NBPF4: variants seen among roughly 807,000 people sequenced by gnomAD.
NBPF4 encodes the protein NBPF member 4, also known as NBPF family member NBPF4.
In NBPF4, 11 loss-of-function variants were observed where a neutral mutation model predicts 21.1. The observed-to-expected ratio is 0.52, with a 90% CI of 0.33 to 0.86. The LOEUF (loss-of-function observed/expected upper bound fraction) is 0.86, where lower values mean the gene tolerates loss of function less well. NBPF4 is among the 40% of genes least tolerant of loss of function. The pLI is 0.03. For missense variants in NBPF4, 88 were observed against 265.3 expected, an observed-to-expected ratio of 0.33 and a Z score of 4.64; for synonymous variants, 47 against 106.4, an observed-to-expected ratio of 0.44 and a Z score of 3.43.
Position 108,244,020 on chromosome 1 carries a change from T to TCG in NBPF4, c.-158_-157insCG. 3 of 524,602 alleles carry TCG rather than the reference T, an allele frequency of 5.7e-6. No individual in the cohort carries two copies. Among genetic ancestry groups the TCG allele is most frequent in the Non-Finnish European group, 8.4e-6 (3 of 358,878 alleles). 32.5% of individuals were successfully genotyped at this position (524,602 alleles called of 1,614,324 possible). On this transcript the variant is annotated 5_prime_UTR_variant, in exon 1 of 15. Coordinates refer to ENST00000415641, the MANE Select transcript of NBPF4 (RefSeq NM_001143989.3). ...CCTGTAGCTCCGACTCTGACAAGAG[T>TCG]GAGGGAGGTAGCAGCCAGCGTACCA...
the NBPF4 span, among the ~76,000 whole-genome samples, chr1:108,266,213 G>C: frequency 6.9e-6 from 1 of 145,542 alleles, no homozygotes. Flanking sequence ...TGAAAAGAGA[G>C]AAAATTCAAA....
chr1:108,256,341 G>C, the NBPF4 span, among the ~76,000 whole-genome samples: 2 of 143,332 alleles, frequency 1.4e-5, no homozygotes, highest in Non-Finnish European at 3.1e-5. Flanking sequence ...TTCTTTGGTT[G>C]AGTTGCTCCT....
At chr1:108,246,179 G>C (rs1649843383), upstream of NBPF4, among the ~76,000 whole-genome samples, 1 of 120,512 alleles carries the variant, frequency 8.3e-6, no homozygotes, top group Admixed American at 9.6e-5. Context: ...TGTAGGTGGA[G>C]GATGGTGTGG....
At chr1:108,233,781 GA>G (rs1649641832) in intron 10 of NBPF4, among the ~76,000 whole-genome samples, 2 of 145,312 alleles carry the variant, frequency 1.4e-5, no homozygotes, top group South Asian at 4.3e-4. Flanking sequence ...CATAGAGAAT[GA>G]GGCTAGGTTC....
At chr1:108,268,868 AAT>A in the NBPF4 span, among the ~76,000 whole-genome samples, 1 of 123,506 alleles carries the variant, frequency 8.1e-6, no homozygotes, top group Admixed American at 9.1e-5. Flanking sequence ...CATTTATACA[AAT>A]ATATAGTTAT....
Position 108,222,797 on chromosome 1 carries a change from A to C in NBPF4, c.*908T>G, listed in dbSNP as rs528068439. ...CTGAAGAAGATCACTAGAATACAGGATATTTATACTATTTCAAACCACTTT... is the reference window on the plus strand; with the variant it reads ...CTGAAGAAGATCACTAGAATACAGGCTATTTATACTATTTCAAACCACTTT... On this transcript the variant is annotated 3_prime_UTR_variant, in exon 15 of 15. Coordinates refer to ENST00000415641, the MANE Select transcript of NBPF4 (RefSeq NM_001143989.3). 2.0e-5 allele frequency among the ~76,000 whole-genome samples: 3 copies of C among 152,300 alleles called. No individual in the cohort carries two copies. The highest frequency in any genetic ancestry group is 7.2e-5 in the African/African-American group (3 of 41,574).
At chr1:108,229,214 C>A (rs1649584690) in intron 12 of NBPF4, 58 bp from the exon 13 acceptor site, 2 of 1,320,214 alleles carry the variant, frequency 1.5e-6, no homozygotes, top group Non-Finnish European at 2.1e-6. Flanking sequence ...GTTAAGTCAT[C>A]CCAGAACACC....
At position 108,222,924 on chromosome 1, in the gene NBPF4, A is replaced by G. The variant is rs1649352379; in HGVS notation, c.*781T>C. Among the ~76,000 whole-genome samples, 1 of 152,150 alleles carries G rather than the reference A, an allele frequency of 6.6e-6. No individual in the cohort carries two copies. On this transcript the variant is annotated 3_prime_UTR_variant, in exon 15 of 15. Coordinates refer to ENST00000415641, the MANE Select transcript of NBPF4 (RefSeq NM_001143989.3). The stretch of plus-strand genomic sequence containing the variant: ...GTATCACCGCACTGGGGATGGACAC[A>G]CTGGGCCTTCTCTGCCTGCAGATGG...
rs552967941 is a variant in NBPF4 at position 108,222,601 on chromosome 1, T to C, written c.*1104A>G. Among the ~76,000 whole-genome samples, 37 of 152,316 alleles carry C rather than the reference T, an allele frequency of 2.4e-4. No homozygotes were observed. Among genetic ancestry groups the C allele is most frequent in the African/African-American group, 6.5e-4 (27 of 41,566 alleles). On this transcript the variant is annotated 3_prime_UTR_variant, in exon 15 of 15. Transcript: ENST00000415641. ...ACAACAGAATGCCAGCAAAAAGAAATTAAAATTAATTTTGGATGAAAGTTA... is the reference window on the plus strand; with the variant it reads ...ACAACAGAATGCCAGCAAAAAGAAACTAAAATTAATTTTGGATGAAAGTTA...
upstream of NBPF4, among the ~76,000 whole-genome samples, chr1:108,245,318 G>A (rs879446604): frequency 0.011 from 1,351 of 117,564 alleles, 9 homozygotes; most frequent in African/African-American, 0.037. Flanking sequence ...AGTGGAAAGC[G>A]CACCTCTCAG....
At chr1:108,268,272 T>C in the NBPF4 span, among the ~76,000 whole-genome samples, 1 of 143,452 alleles carries the variant, frequency 7.0e-6, no homozygotes, top group Non-Finnish European at 1.5e-5. Flanking sequence ...GGTGAATATA[T>C]AAATGTTCAT....
upstream of NBPF4, among the ~76,000 whole-genome samples, chr1:108,246,233 T>C (rs1649845220): frequency 8.0e-6 from 1 of 125,458 alleles, no homozygotes; most frequent in Admixed American, 9.1e-5. Flanking sequence ...TCCAGTCCTC[T>C]TCCTTCACTT....
chr1:108,226,393 A>G (rs1489554117), intron 14 of NBPF4, among the ~76,000 whole-genome samples: 1 of 150,760 alleles, frequency 6.6e-6, no homozygotes, highest in African/African-American at 2.5e-5. Context: ...AGCTTAAACT[A>G]TGTACTTGGA....
chr1:108,256,465 TCTTC>T, the NBPF4 span, among the ~76,000 whole-genome samples: 21 of 133,888 alleles, frequency 1.6e-4, no homozygotes, highest in South Asian at 2.8e-4. Context: ...AATGTGGGTC[TCTTC>T]CTTCCTTCCT....
At chr1:108,268,424 T>G in the NBPF4 span, among the ~76,000 whole-genome samples, 1 of 152,340 alleles carries the variant, frequency 6.6e-6, no homozygotes, top group African/African-American at 2.4e-5. Context: ...ATGTTACTAG[T>G]TTCTGATTAA....
the NBPF4 span, among the ~76,000 whole-genome samples, chr1:108,263,641 GA>G: frequency 2.3e-5 from 2 of 86,962 alleles, no homozygotes; most frequent in Admixed American, 2.4e-4. Context: ...ACGGCAGCCA[GA>G]AAGAAAGGCC....
the NBPF4 span, among the ~76,000 whole-genome samples, chr1:108,268,422 A>C: frequency 1.7e-3 from 257 of 152,304 alleles, 3 homozygotes; most frequent in Admixed American, 4.3e-3. Flanking sequence ...GGATGTTACT[A>C]GTTTCTGATT....
chr1:108,234,859 G>A lies in NBPF4; in HGVS notation c.1028+377C>T, dbSNP rs1227831632. On this transcript the variant is annotated intron_variant, in intron 9 of 14. Coordinates refer to ENST00000415641, the MANE Select transcript of NBPF4 (RefSeq NM_001143989.3). ...CCTCTTTCTCTCAATATTGTGCATG[G>A]TATAACAATAATTTTTTTCTACCTA... Among the ~76,000 whole-genome samples, 2 of 109,412 alleles carry A rather than the reference G, an allele frequency of 1.8e-5. 1 individual carries two copies. Among genetic ancestry groups the A allele is most frequent in the Non-Finnish European group, 3.6e-5 (2 of 55,978 alleles). The allele number at this position is 109,412 out of a possible 152,430, so 71.8% of individuals were successfully genotyped here. A position where few individuals can be genotyped will look rare whatever the true frequency, so the allele number is the denominator to read the frequency against.
chr1:108,246,406 G>T (rs1649848421), upstream of NBPF4, among the ~76,000 whole-genome samples: 1 of 119,522 alleles, frequency 8.4e-6, no homozygotes. Flanking sequence ...TTTATGCCCT[G>T]GACTTGATAT....
Sources: allele counts gnomAD v4.1 joint callset (sites outside exome capture counted in the v4.1 genomes callset), GRCh38; gene constraint gnomAD v4.1.1; transcripts MANE v1.5; gene names NCBI Gene and HGNC (gene_info 2026-07-23, HGNC 2026-07-21).